Variants in KCTD8 observed in about 807,000 individuals in gnomAD.
KCTD8 encodes the protein potassium channel tetramerization domain containing 8.
A neutral mutation model predicts 31.5 loss-of-function variants in KCTD8; 27 were observed. The observed-to-expected ratio is 0.86, with a 90% CI of 0.63 to 1.18. The LOEUF is 1.18. Ranked by LOEUF, KCTD8 falls within the 50% of genes most tolerant of loss-of-function variation. KCTD8 has a pLI of 0.00. For missense variants in KCTD8, 658 were observed against 647.7 expected, an observed-to-expected ratio of 1.02 and a Z score of -0.17; for synonymous variants, 290 against 280.0, an observed-to-expected ratio of 1.04 and a Z score of -0.36.
chr4:44,350,198 T>C (rs1397631452), intron 1 of KCTD8, among the ~76,000 whole-genome samples: 3 of 152,198 alleles, frequency 2.0e-5, no homozygotes, highest in Non-Finnish European at 4.4e-5. Context: ...TTCCTGCCTA[T>C]GTTTTAACAC....
intron 1 of KCTD8, among the ~76,000 whole-genome samples, chr4:44,249,288 G>T (rs544878933): frequency 3.3e-5 from 5 of 151,696 alleles, no homozygotes; most frequent in African/African-American, 1.2e-4. Context: ...AAAGAAATTG[G>T]AGGTTAACAA....
chr4:44,385,443 C>G (rs1445253697), intron 1 of KCTD8, among the ~76,000 whole-genome samples: 1 of 151,632 alleles, frequency 6.6e-6, no homozygotes, highest in East Asian at 1.9e-4. Context: ...CAACACTATT[C>G]AATGGGGAAT....
intron 1 of KCTD8, among the ~76,000 whole-genome samples, chr4:44,196,741 A>G (rs1254198226): frequency 1.3e-5 from 2 of 152,118 alleles, no homozygotes; most frequent in Non-Finnish European, 2.9e-5. Flanking sequence ...TCCCACAAGG[A>G]TCTGTGAAAT....
Position 44,448,324 on chromosome 4 carries a change from T to C in KCTD8, c.200A>G (p.Asp67Gly). The C allele has an allele frequency of 6.3e-7, 1 of 1,599,992 alleles. No individual in the cohort carries two copies. The highest frequency in any genetic ancestry group is 8.5e-7 in the Non-Finnish European group (1 of 1,173,950). Residue 67 changes from aspartate (D) to glycine (G), a missense_variant, in exon 1 of 2, where the codon GAC (aspartate) becomes GGC (glycine). Asp to Gly is a moderately conservative substitution (Grantham distance 94). Coordinates refer to ENST00000360029, the MANE Select transcript of KCTD8 (RefSeq NM_198353.3). The surrounding 1 kb of genome is among the most constrained non-coding windows in gnomAD (Gnocchi z 4.1). Reference protein sequence around the residue: ...TKHSTLLSVPDSTLASMFSPS... With the variant: ...TKHSTLLSVPGSTLASMFSPS... ...CGAGAACATGCTGGCCAAAGTACTG[T>C]CCGGGACGCTGAGCAGCGTCGAGTG...
chr4:44,294,490 G>A (rs1396982904), intron 1 of KCTD8, among the ~76,000 whole-genome samples: 2 of 152,062 alleles, frequency 1.3e-5, no homozygotes, highest in East Asian at 3.9e-4. Flanking sequence ...CCTCATTACC[G>A]TCCAGCACCA....
At chr4:44,288,776 A>G (rs193232195) in intron 1 of KCTD8, among the ~76,000 whole-genome samples, 103 of 152,068 alleles carry the variant, frequency 6.8e-4, no homozygotes, top group Non-Finnish European at 1.2e-3. Flanking sequence ...TTCAAAATTA[A>G]TTTCTTTCTG....
At chr4:44,328,469 C>A (rs16856850) in intron 1 of KCTD8, among the ~76,000 whole-genome samples, 4,523 of 151,948 alleles carry the variant, frequency 0.03, 290 homozygotes, top group African/African-American at 0.1. Context: ...CCAATCCCAA[C>A]GGCTCTACCA....
At chr4:44,354,726 C>T (rs1438631040) in intron 1 of KCTD8, among the ~76,000 whole-genome samples, 1 of 152,078 alleles carries the variant, frequency 6.6e-6, no homozygotes, top group East Asian at 1.9e-4. Context: ...GAAACTAAGG[C>T]ACAGGAATGT....
At chr4:44,417,310 T>C (rs1440765277) in intron 1 of KCTD8, among the ~76,000 whole-genome samples, 2 of 152,096 alleles carry the variant, frequency 1.3e-5, no homozygotes, top group African/African-American at 4.8e-5. Flanking sequence ...CCCACATAAA[T>C]TAGAAAAAAA....
chr4:44,264,840 G>T (rs1200132584), intron 1 of KCTD8, among the ~76,000 whole-genome samples: 1 of 152,172 alleles, frequency 6.6e-6, no homozygotes, highest in African/African-American at 2.4e-5. Flanking sequence ...GCTGGGGGAG[G>T]GGTGCATGCC....
chr4:44,350,681 GT>G (rs1286439207), intron 1 of KCTD8, among the ~76,000 whole-genome samples: 1 of 152,102 alleles, frequency 6.6e-6, no homozygotes, highest in East Asian at 1.9e-4. Context: ...TGAATAAAAA[GT>G]TTTCATTGTT....
At chr4:44,337,639 A>C (rs1718783898) in intron 1 of KCTD8, among the ~76,000 whole-genome samples, 1 of 150,072 alleles carries the variant, frequency 6.7e-6, no homozygotes. Context: ...GCACCACTGC[A>C]CTCCAGCCTG....
intron 1 of KCTD8, among the ~76,000 whole-genome samples, chr4:44,372,247 T>C (rs1577641714): frequency 2.0e-5 from 3 of 151,880 alleles, no homozygotes; most frequent in Admixed American, 2.0e-4. Context: ...GTAAATTAGG[T>C]AGATGCACCA....
chr4:44,289,699 G>C (rs955283987), intron 1 of KCTD8, among the ~76,000 whole-genome samples: 2 of 152,118 alleles, frequency 1.3e-5, no homozygotes, highest in Admixed American at 1.3e-4. Flanking sequence ...TGTGTGGGGG[G>C]TCTGACCAGA....
intron 1 of KCTD8, among the ~76,000 whole-genome samples, chr4:44,201,630 C>T (rs559043656): frequency 6.6e-6 from 1 of 151,990 alleles, no homozygotes; most frequent in South Asian, 2.1e-4. Context: ...TCTACCTTTC[C>T]CCATATATGA....
chr4:44,308,765 C>T (rs1442959965), intron 1 of KCTD8, among the ~76,000 whole-genome samples: 3 of 151,764 alleles, frequency 2.0e-5, no homozygotes, highest in Non-Finnish European at 2.9e-5. Context: ...TAATCAATAA[C>T]AAAAATTCAG....
At chr4:44,430,032 TA>T (rs79030359) in intron 1 of KCTD8, among the ~76,000 whole-genome samples, 22 of 150,552 alleles carry the variant, frequency 1.5e-4, no homozygotes, top group Middle Eastern at 3.4e-3. Flanking sequence ...CTGGGGGGTT[TA>T]AAAAAAAACA....
intron 1 of KCTD8, among the ~76,000 whole-genome samples, chr4:44,227,839 A>G (rs184711943): frequency 6.6e-6 from 1 of 152,154 alleles, no homozygotes; most frequent in Non-Finnish European, 1.5e-5. Context: ...AAATATTTAC[A>G]TCTTTTATTC....
chr4:44,436,694 T>C (rs1225229104), intron 1 of KCTD8, among the ~76,000 whole-genome samples: 1 of 152,106 alleles, frequency 6.6e-6, no homozygotes, highest in Non-Finnish European at 1.5e-5. Context: ...CATGAAGTGA[T>C]GCTTTGGTTA....
Sources: gnomAD v4.1 joint callset for allele counts (sites outside exome capture counted in the v4.1 genomes callset) on GRCh38, gnomAD v4.1.1 for gene constraint, Gnocchi (gnomAD v3.1) non-coding constraint, MANE v1.5 for transcripts, NCBI Gene and HGNC (gene_info 2026-07-23, HGNC 2026-07-21) for gene names.